The following IQCE variants were observed in gnomAD, a reference collection of about 807,000 sequenced individuals.
The protein encoded by IQCE is IQ motif containing E.
Under a neutral mutation model 96.0 loss-of-function variants are expected in IQCE, and 115 were observed. The ratio of observed to expected loss-of-function variants is 1.20; its 90% CI spans 1.03 to 1.40. The LOEUF is 1.40. Among genes scored for constraint, IQCE ranks in the 40% most tolerant of loss-of-function variants. The probability of loss-of-function intolerance (pLI) is 0.00; values close to 1 mark genes in which losing one functional copy is unlikely to be tolerated. For synonymous variants in IQCE, 412 were observed against 371.2 expected, an observed-to-expected ratio of 1.11 and a Z score of -1.26; for missense variants, 1,041 against 909.1, an observed-to-expected ratio of 1.15 and a Z score of -1.87.
At chr7:2,565,165 T>C (rs932767949) in intron 1 of IQCE, among the ~76,000 whole-genome samples, 1 of 149,420 alleles carries the variant, frequency 6.7e-6, no homozygotes, top group African/African-American at 2.5e-5. Flanking sequence ...CTGTGTATGG[T>C]TGTATTCTGC....
At position 2,605,903 on chromosome 7, in the gene IQCE, C is replaced by T. The variant is rs746927923; in HGVS notation, c.1771C>T (p.Pro591Ser). Residue 591 changes from proline to serine, a missense_variant, in exon 20 of 22, where the codon CCC (proline) becomes TCC (serine). By Grantham distance (74) the Pro-to-Ser change is moderately conservative. Coordinates refer to ENST00000402050, the MANE Select transcript of IQCE (RefSeq NM_152558.5). ...QSSPVPRVPSPIAQATGSPVQ... is the reference protein window; with the variant it reads ...QSSPVPRVPSSIAQATGSPVQ... The stretch of plus-strand genomic sequence containing the variant: ...CTCTCCTGTGCCCCGCGTTCCGAGC[C>T]CCATCGCCCAGGCCACGGGCAGCCC... 9 of 1,607,122 alleles carry T rather than the reference C, an allele frequency of 5.6e-6. No homozygotes were observed. The highest frequency in any genetic ancestry group is 6.8e-6 in the Non-Finnish European group (8 of 1,177,668).
chr7:2,578,107 T>TGCGTGGCTGTGC, intron 6 of IQCE, 135 bp from the exon 7 acceptor site: 1 of 657,440 alleles, frequency 1.5e-6, no homozygotes, highest in Non-Finnish European at 2.7e-6. Context: ...CAGTGGCGTG[T>TGCGTGGCTGTGC]GCGTGGCTGT....
chr7:2,603,999 T>TG (rs1210122377), intron 18 of IQCE, among the ~76,000 whole-genome samples: 1 of 151,368 alleles, frequency 6.6e-6, no homozygotes, highest in Non-Finnish European at 1.5e-5. Context: ...CTTTTTTTTT[T>TG]TTTTTTTGAG....
At chr7:2,599,014 A>T (rs1197060456) in intron 17 of IQCE, among the ~76,000 whole-genome samples, 1 of 151,814 alleles carries the variant, frequency 6.6e-6, no homozygotes. Context: ...CTTCCTATTC[A>T]CATTTCCCAA....
chr7:2,588,720 A>T (rs1272945742), intron 13 of IQCE, among the ~76,000 whole-genome samples: 1 of 122,718 alleles, frequency 8.1e-6, no homozygotes, highest in East Asian at 2.4e-4. Flanking sequence ...GCTGCAGTGC[A>T]GTGGCGTAAT....
At chr7:2,559,767 G>T (rs908055380) in intron 1 of IQCE, among the ~76,000 whole-genome samples, 1 of 15,430 alleles carries the variant, frequency 6.5e-5, no homozygotes, top group African/African-American at 4.5e-4. Flanking sequence ...CATTCCAGTG[G>T]GGGGGGGGGG....
At chr7:2,607,102 G>A in intron 20 of IQCE, 22 bp from the exon 21 acceptor site, 1 of 1,574,488 alleles carries the variant, frequency 6.4e-7, no homozygotes, top group Non-Finnish European at 8.6e-7. Context: ...AGAATCAGCT[G>A]GCGTTTTCTG....
intron 14 of IQCE, among the ~76,000 whole-genome samples, chr7:2,592,347 T>C (rs1481398808): frequency 2.0e-5 from 3 of 152,230 alleles, no homozygotes; most frequent in Admixed American, 6.5e-5. Flanking sequence ...AAGGTAGTCA[T>C]TATGAAAGGT....
At chr7:2,584,316 T>C in intron 11 of IQCE, 31 bp downstream of exon 11, 1 of 1,608,374 alleles carries the variant, frequency 6.2e-7, no homozygotes, top group Non-Finnish European at 8.5e-7. Flanking sequence ...CTGTGTTTTG[T>C]GTGTTGCCTT....
At chr7:2,606,419 C>T (rs971557434) in intron 20 of IQCE, among the ~76,000 whole-genome samples, 12 of 152,106 alleles carry the variant, frequency 7.9e-5, no homozygotes, top group African/African-American at 2.7e-4. Context: ...GTCTAGATGG[C>T]AGCGTTCCCA....
intron 14 of IQCE, 137 bp from the exon 15 acceptor site, chr7:2,592,885 C>A: frequency 3.4e-6 from 3 of 877,502 alleles, no homozygotes; most frequent in Non-Finnish European, 5.1e-6. Flanking sequence ...TAGAAATGGG[C>A]CTTTTGTGCT....
intron 17 of IQCE, among the ~76,000 whole-genome samples, chr7:2,600,902 G>C (rs1325274717): frequency 6.6e-6 from 1 of 152,196 alleles, no homozygotes; most frequent in African/African-American, 2.4e-5. Context: ...GACGCTGCGT[G>C]TCAGCTGCAG....
chr7:2,566,995 G>T, intron 1 of IQCE, 121 bp from the exon 2 acceptor site: 1 of 795,574 alleles, frequency 1.3e-6, no homozygotes, highest in South Asian at 1.5e-5. Context: ...TGGCCTCAGA[G>T]CTGGATTTCT....
intron 8 of IQCE, among the ~76,000 whole-genome samples, chr7:2,581,549 T>C (rs1449637760): frequency 6.6e-6 from 1 of 151,852 alleles, no homozygotes; most frequent in Admixed American, 6.6e-5. Context: ...ATTTAAAAGT[T>C]GTCTGTTCAA....
chr7:2,571,478 C>T (rs994169879), intron 3 of IQCE, 48 bp from the exon 4 acceptor site: 1 of 1,601,962 alleles, frequency 6.2e-7, no homozygotes, highest in Non-Finnish European at 8.5e-7. Context: ...GTGTTGAGCT[C>T]ACATGTTGCT....
chr7:2,591,546 A>G (rs1290655671), intron 14 of IQCE, among the ~76,000 whole-genome samples: 1 of 151,776 alleles, frequency 6.6e-6, no homozygotes, highest in African/African-American at 2.4e-5. Flanking sequence ...GGAGCTGGTT[A>G]GAATGCAGCC....
In IQCE at chr7:2,603,831, G is replaced by A. The variant is rs1325839163; in HGVS notation, c.1633-1050G>A. Reference sequence around the variant, plus strand: ...ACAGCGGCAAGCCTGCTAAACTCACGTGGCATGGGGCTCGGTGGGCATGCT... The same window carrying A: ...ACAGCGGCAAGCCTGCTAAACTCACATGGCATGGGGCTCGGTGGGCATGCT... On this transcript the variant is annotated intron_variant, in intron 18 of 21. Coordinates refer to ENST00000402050, the MANE Select transcript of IQCE (RefSeq NM_152558.5). Among the ~76,000 whole-genome samples, 11 of 152,112 alleles carry A rather than the reference G, an allele frequency of 7.2e-5. No individual in the cohort carries two copies. In the South Asian group the frequency reaches 1.0e-3, roughly 14 times the overall value.
At chr7:2,605,545 G>A (rs1028331708) in intron 19 of IQCE, among the ~76,000 whole-genome samples, 1 of 152,052 alleles carries the variant, frequency 6.6e-6, no homozygotes, top group South Asian at 2.1e-4. Context: ...GGGTGAACCC[G>A]GAAGGCGGAG....
chr7:2,605,151 C>G (rs1255008564), intron 19 of IQCE, among the ~76,000 whole-genome samples, 160 bp downstream of exon 19: 1 of 152,232 alleles, frequency 6.6e-6, no homozygotes, highest in African/African-American at 2.4e-5. Flanking sequence ...GCCATGCAGG[C>G]TTCTCTGCGC....
Sources: gnomAD v4.1 joint callset for allele counts (sites outside exome capture counted in the v4.1 genomes callset) on GRCh38, gnomAD v4.1.1 for gene constraint, MANE v1.5 for transcripts, NCBI Gene and HGNC (gene_info 2026-07-23, HGNC 2026-07-21) for gene names.